SLCO6A1: variants seen among roughly 807,000 people sequenced by gnomAD.
SLCO6A1 encodes solute carrier organic anion transporter family member 6A1.
A neutral mutation model predicts 72.7 loss-of-function variants in SLCO6A1; 65 were observed. That is an observed-to-expected ratio of 0.89 (90% CI 0.73 to 1.10). The LOEUF is 1.10. Ranked by LOEUF, SLCO6A1 falls within the 50% of genes least tolerant of loss-of-function variation. The pLI is 0.00. For missense variants in SLCO6A1, 874 were observed against 872.6 expected (o/e 1.00, Z -0.02); for synonymous variants, 314 against 298.2 (o/e 1.05, Z -0.55).
At chr5:102,491,104 C>T (rs1165783345) in intron 1 of SLCO6A1, among the ~76,000 whole-genome samples, 2 of 152,108 alleles carry the variant, frequency 1.3e-5, no homozygotes, top group Non-Finnish European at 2.9e-5. Context: ...GCTAGATACA[C>T]AGTGTCCACA....
At chr5:102,442,969 G>A (rs1057419218) in intron 6 of SLCO6A1, among the ~76,000 whole-genome samples, 1 of 152,146 alleles carries the variant, frequency 6.6e-6, no homozygotes, top group Non-Finnish European at 1.5e-5. Flanking sequence ...AGGTCAAGGC[G>A]GGTGGATCAC....
chr5:102,405,408 AG>A (rs201191943), intron 9 of SLCO6A1, among the ~76,000 whole-genome samples: 3,505 of 152,082 alleles, frequency 0.023, 131 homozygotes, highest in African/African-American at 0.08. Context: ...TAAAAAAAAA[AG>A]AAATACTGAA....
At chr5:102,442,807 T>C (rs1187905352) in intron 6 of SLCO6A1, among the ~76,000 whole-genome samples, 3 of 152,208 alleles carry the variant, frequency 2.0e-5, no homozygotes, top group Middle Eastern at 3.2e-3. Flanking sequence ...CTCATGCCTG[T>C]ATTCCCAGCA....
At chr5:102,417,406 T>C (rs1748343040) in intron 8 of SLCO6A1, among the ~76,000 whole-genome samples, 1 of 152,032 alleles carries the variant, frequency 6.6e-6, no homozygotes, top group South Asian at 2.1e-4. Flanking sequence ...CTATCTCTTT[T>C]TGTTCACTTT....
chr5:102,471,182 G>A (rs7356787), intron 4 of SLCO6A1, among the ~76,000 whole-genome samples: 28,471 of 151,928 alleles, frequency 0.19, 3,529 homozygotes, highest in Non-Finnish European at 0.24. Context: ...CATACTGTTC[G>A]ACTGACTTGA....
chr5:102,489,235 C>T (rs1752569142), intron 1 of SLCO6A1, among the ~76,000 whole-genome samples: 1 of 152,186 alleles, frequency 6.6e-6, no homozygotes, highest in African/African-American at 2.4e-5. Context: ...GATTTGCTTG[C>T]AAACATCTCT....
intron 1 of SLCO6A1, among the ~76,000 whole-genome samples, chr5:102,481,746 C>T (rs1001053104): frequency 1.4e-4 from 21 of 152,164 alleles, no homozygotes; most frequent in African/African-American, 4.1e-4. Flanking sequence ...TGCTGTTACA[C>T]TTTCTCCCAA....
chr5:102,486,743 T>C (rs1005979407), intron 1 of SLCO6A1, among the ~76,000 whole-genome samples: 13 of 152,134 alleles, frequency 8.5e-5, no homozygotes, highest in African/African-American at 3.1e-4. Context: ...CTTCACTGCT[T>C]TCCTAGTACC....
At chr5:102,476,215 A>C (rs1341446169) in intron 3 of SLCO6A1, among the ~76,000 whole-genome samples, 1 of 152,162 alleles carries the variant, frequency 6.6e-6, no homozygotes, top group African/African-American at 2.4e-5. Flanking sequence ...AAATTAAAAA[A>C]AATTTTAAAC....
chr5:102,496,105 C>A (rs898109954), intron 1 of SLCO6A1, among the ~76,000 whole-genome samples: 1 of 152,094 alleles, frequency 6.6e-6, no homozygotes, highest in Admixed American at 6.6e-5. Flanking sequence ...CTGTGAGGAA[C>A]GATGGTTATG....
rs76010207 is a variant in SLCO6A1, at chr5:102,479,571, T to G, written c.616+606A>C. Reference sequence around the variant, plus strand: ...CCTTAAAATTCATCAGGGTATATAATCCATTGATTCTGCTCCTTTTCACTA... The same window carrying G: ...CCTTAAAATTCATCAGGGTATATAAGCCATTGATTCTGCTCCTTTTCACTA... On this transcript the variant is annotated intron_variant, in intron 2 of 13. Transcript: ENST00000506729. Among the ~76,000 whole-genome samples, 1,032 of 152,264 alleles carry G rather than the reference T, an allele frequency of 6.8e-3. 9 individuals carry two copies. The highest frequency in any genetic ancestry group is 0.024 in the African/African-American group (982 of 41,534).
At position 102,413,008 on chromosome 5, in the gene SLCO6A1, T is replaced by C. The variant is rs1364426763; in HGVS notation, c.1608A>G (p.Lys536=). The change falls in exon 9 of 14, where the codon AAA becomes AAG. Residue 536 remains lysine (K), a synonymous_variant. Transcript: ENST00000506729. ...TAATTACCTTTTTTTGGTTTTGTGC[T>C]TTAGAATATGTACACCCTGCAAAGC... is the stretch of plus-strand genomic sequence containing the variant. ...SPCFAGCTYS[K]AQNQKKMYYN... 3 of 1,439,282 alleles carry C rather than the reference T, an allele frequency of 2.1e-6. No individual in the cohort carries two copies. The highest frequency in any genetic ancestry group is 2.7e-6 in the Non-Finnish European group (3 of 1,095,984). 89.2% of individuals were successfully genotyped at this position (1,439,282 alleles called of 1,614,324 possible).
At chr5:102,421,805 G>A (rs1748622822) in intron 7 of SLCO6A1, among the ~76,000 whole-genome samples, 1 of 152,186 alleles carries the variant, frequency 6.6e-6, no homozygotes, top group African/African-American at 2.4e-5. Context: ...GTGGGTCCCT[G>A]ACTCCCATGC....
At chr5:102,396,054 C>A (rs966503288) in intron 10 of SLCO6A1, among the ~76,000 whole-genome samples, 1 of 152,002 alleles carries the variant, frequency 6.6e-6, no homozygotes, top group African/African-American at 2.4e-5. Context: ...AATTAGATCC[C>A]ATTTGTCAAT....
intron 12 of SLCO6A1, among the ~76,000 whole-genome samples, chr5:102,385,051 C>CT (rs888388942): frequency 6.6e-6 from 1 of 151,998 alleles, no homozygotes; most frequent in Non-Finnish European, 1.5e-5. Flanking sequence ...CTGGAAAAGT[C>CT]TTTTTTCTTT....
At chr5:102,455,159 T>C (rs548394829) in intron 6 of SLCO6A1, among the ~76,000 whole-genome samples, 1 of 151,754 alleles carries the variant, frequency 6.6e-6, no homozygotes, top group South Asian at 2.1e-4. Context: ...TTTAAATAGA[T>C]AGATTAGCAT....
At chr5:102,424,272 A>C (rs1280861095) in intron 7 of SLCO6A1, among the ~76,000 whole-genome samples, 2 of 152,216 alleles carry the variant, frequency 1.3e-5, no homozygotes, top group Non-Finnish European at 2.9e-5. Flanking sequence ...AATTAAGATC[A>C]GAGCAGAACT....
chr5:102,485,490 T>A (rs1256026964), intron 1 of SLCO6A1, among the ~76,000 whole-genome samples: 1 of 152,152 alleles, frequency 6.6e-6, no homozygotes, highest in East Asian at 1.9e-4. Flanking sequence ...TCATGGGGTG[T>A]GGGTGTGGAG....
rs746785336 is a variant in SLCO6A1, at chr5:102,475,733, A to T, written c.863T>A (p.Leu288Gln). ...YALGYVLGAP[L>Q]VKVPENTTSA... Reference sequence around the variant, plus strand: ...AGTAGTATTCTCAGGGACTTTAACTAGTGGTGCTCCTAGCACATAACCCAG... The same window carrying T: ...AGTAGTATTCTCAGGGACTTTAACTTGTGGTGCTCCTAGCACATAACCCAG... The change falls in exon 4 of 14, where the codon CTA (leucine) becomes CAA (glutamine). Residue 288 changes from leucine (L) to glutamine (Q), a missense_variant. By Grantham distance (113) the Leu-to-Gln change is moderately radical. Coordinates refer to ENST00000506729, the MANE Select transcript of SLCO6A1 (RefSeq NM_173488.5). 6.2e-6 allele frequency: 10 copies of T among 1,606,672 alleles called. No individual in the cohort carries two copies. In the East Asian group the frequency reaches 2.2e-4, roughly 36 times the overall value.
Sources: allele counts gnomAD v4.1 joint callset (sites outside exome capture counted in the v4.1 genomes callset), GRCh38; gene constraint gnomAD v4.1.1; transcripts MANE v1.5; gene names NCBI Gene and HGNC (gene_info 2026-07-23, HGNC 2026-07-21).